Variants in PMFBP1 observed in about 807,000 individuals in gnomAD.
PMFBP1 encodes the protein polyamine-modulated factor 1-binding protein 1.
A neutral mutation model predicts 137.8 loss-of-function variants in PMFBP1; 131 were observed. The observed-to-expected ratio is 0.95, with a 90% confidence interval of 0.82 to 1.10. The LOEUF is 1.10. Among genes scored for constraint, PMFBP1 ranks in the 50% least tolerant of loss-of-function variants. The pLI, the probability that PMFBP1 is intolerant of heterozygous loss-of-function variation, is 0.00. For synonymous variants in PMFBP1, 490 were observed against 450.4 expected (o/e 1.09, Z -1.11); for missense variants, 1,199 against 1,175.4 (o/e 1.02, Z -0.29).
chr16:72,123,425 C>A, intron 18 of PMFBP1, 121 bp downstream of exon 18: 1 of 818,212 alleles, frequency 1.2e-6, no homozygotes, highest in Non-Finnish European at 1.9e-6. Flanking sequence ...TGGGTGTGGG[C>A]TGAGACTGGA....
the PMFBP1 span, among the ~76,000 whole-genome samples, chr16:72,210,254 G>A: frequency 6.6e-6 from 1 of 152,204 alleles, no homozygotes; most frequent in Non-Finnish European, 1.5e-5. Context: ...AAGGAGAAAG[G>A]AGTTGGCCTT....
At chr16:72,139,539 A>G in intron 6 of PMFBP1, 140 bp from the exon 7 acceptor site, 2 of 704,802 alleles carry the variant, frequency 2.8e-6, no homozygotes, top group Admixed American at 2.2e-5. Flanking sequence ...CCTGTGGGGT[A>G]GGTAGGGAGA....
chr16:72,205,086 A>G, the PMFBP1 span, among the ~76,000 whole-genome samples: 15 of 152,262 alleles, frequency 9.9e-5, no homozygotes, highest in South Asian at 2.1e-4. Context: ...TGCCATCCTC[A>G]GTGTGTCTAG....
At chr16:72,173,148 G>A (rs138938671), upstream of PMFBP1, among the ~76,000 whole-genome samples, 1 of 152,282 alleles carries the variant, frequency 6.6e-6, no homozygotes, top group Non-Finnish European at 1.5e-5. Flanking sequence ...CTTCATTTCT[G>A]CTTCTGTAAG....
the PMFBP1 span, among the ~76,000 whole-genome samples, chr16:72,207,741 T>TGTGTGTGTGTGTGTGC: frequency 6.7e-6 from 1 of 149,300 alleles, no homozygotes; most frequent in Non-Finnish European, 1.5e-5. Context: ...TGTGTGTGTG[T>TGTGTGTGTGTGTGTGC]GCATATTGAT....
chr16:72,124,765 A>C lies in PMFBP1; in HGVS notation c.2589+2T>G. The C allele has an allele frequency of 6.2e-7, 1 of 1,613,162 alleles. No individual in the cohort carries two copies. The highest frequency in any genetic ancestry group is 8.5e-7 in the Non-Finnish European group (1 of 1,179,450). On this transcript the variant is annotated splice_donor_variant, in intron 17 of 20. Coordinates refer to ENST00000237353, the MANE Select transcript of PMFBP1 (RefSeq NM_031293.3). LOFTEE classifies it high-confidence loss of function. The stretch of plus-strand genomic sequence containing the variant: ...GGCACGCAGAAGCCAAGGCATGCCC[A>C]CCTCCTTATCGTCCTCAAGGAGGTT...
the PMFBP1 span, among the ~76,000 whole-genome samples, chr16:72,234,330 C>G: frequency 1.3e-5 from 2 of 152,136 alleles, no homozygotes; most frequent in Non-Finnish European, 2.9e-5. Flanking sequence ...ATTAAAACAG[C>G]CTGCAGCAAG....
chr16:72,182,200 C>T, the PMFBP1 span, among the ~76,000 whole-genome samples: 1 of 152,086 alleles, frequency 6.6e-6, no homozygotes, highest in African/African-American at 2.4e-5. Flanking sequence ...AGAGGTGCAC[C>T]TCAGGCACTT....
At chr16:72,220,462 A>G in the PMFBP1 span, among the ~76,000 whole-genome samples, 1 of 152,226 alleles carries the variant, frequency 6.6e-6, no homozygotes, top group Non-Finnish European at 1.5e-5. Context: ...ATGAATAGGA[A>G]AAAAATGTCT....
the PMFBP1 span, among the ~76,000 whole-genome samples, chr16:72,224,115 G>C: frequency 6.6e-6 from 1 of 152,168 alleles, no homozygotes; most frequent in Admixed American, 6.5e-5. Flanking sequence ...TTTGTCCAGG[G>C]CTGGGCTGCT....
chr16:72,154,157 AT>A, intron 4 of PMFBP1, 53 bp downstream of exon 4: 1 of 1,593,014 alleles, frequency 6.3e-7, no homozygotes, highest in Non-Finnish European at 8.6e-7. Flanking sequence ...GCTTGGTCTG[AT>A]TTCTGCAGGT....
chr16:72,168,294 G>A (rs916876150), intron 2 of PMFBP1, among the ~76,000 whole-genome samples: 19 of 152,162 alleles, frequency 1.2e-4, no homozygotes, highest in African/African-American at 4.6e-4. Flanking sequence ...AGGTGATTTC[G>A]AGAATGATGT....
At chr16:72,128,957 T>C in intron 13 of PMFBP1, 109 bp downstream of exon 13, 1 of 1,516,470 alleles carries the variant, frequency 6.6e-7, no homozygotes, top group Non-Finnish European at 8.9e-7. Flanking sequence ...GTCCCTCCCG[T>C]CTTTCCTAAG....
intron 6 of PMFBP1, 80 bp downstream of exon 6, chr16:72,140,332 G>C: frequency 7.3e-7 from 1 of 1,373,256 alleles, no homozygotes; most frequent in African/African-American, 1.5e-5. Flanking sequence ...ATTAATTTAG[G>C]TGACTCTTTT....
At chr16:72,239,507 C>T in the PMFBP1 span, among the ~76,000 whole-genome samples, 15 of 152,130 alleles carry the variant, frequency 9.9e-5, no homozygotes, top group Non-Finnish European at 1.8e-4. Flanking sequence ...TTTCTTTAAA[C>T]CTTTTTTAGA....
At chr16:72,206,709 T>C in the PMFBP1 span, among the ~76,000 whole-genome samples, 1 of 152,136 alleles carries the variant, frequency 6.6e-6, no homozygotes, top group African/African-American at 2.4e-5. Context: ...ACACTGTTAA[T>C]CATCGCTTCC....
At chr16:72,247,085 C>T in the PMFBP1 span, among the ~76,000 whole-genome samples, 1 of 152,152 alleles carries the variant, frequency 6.6e-6, no homozygotes, top group Non-Finnish European at 1.5e-5. Flanking sequence ...ACACAATTTC[C>T]CCAGGATAGA....
At chr16:72,130,388 G>C (rs368887332) in intron 11 of PMFBP1, 31 bp from the exon 12 acceptor site, 2 of 1,613,956 alleles carry the variant, frequency 1.2e-6, no homozygotes. Context: ...CAGGAGGACA[G>C]ACTTCAGTGC....
intron 5 of PMFBP1, among the ~76,000 whole-genome samples, chr16:72,148,663 T>C (rs937672614): frequency 6.6e-6 from 1 of 152,102 alleles, no homozygotes; most frequent in Non-Finnish European, 1.5e-5. Flanking sequence ...GAAGCTCCTA[T>C]ACACCAATAG....
Sources: allele counts gnomAD v4.1 joint callset (sites outside exome capture counted in the v4.1 genomes callset), GRCh38; gene constraint gnomAD v4.1.1; transcripts MANE v1.5; gene names NCBI Gene and HGNC (gene_info 2026-07-23, HGNC 2026-07-21).